FANCM: variants seen among roughly 807,000 people sequenced by gnomAD.
The protein encoded by FANCM is Fanconi anemia group M protein.
FANCM carries 140 observed loss-of-function variants against 199.5 expected under a neutral mutation model. That is an observed-to-expected ratio of 0.70 (90% CI 0.61 to 0.81). The LOEUF is 0.81. Among genes scored for constraint, FANCM ranks in the 30% least tolerant of loss-of-function variants. The pLI, the probability that FANCM is intolerant of heterozygous loss-of-function variation, is 0.00. For synonymous variants in FANCM, 840 were observed against 836.8 expected, an observed-to-expected ratio of 1.00 and a Z score of -0.07; for missense variants, 2,410 against 2,421.4, an observed-to-expected ratio of 1.00 and a Z score of 0.10.
intron 2 of FANCM, among the ~76,000 whole-genome samples, chr14:45,140,315 G>A (rs144525598): frequency 3.3e-5 from 5 of 152,026 alleles, no homozygotes; most frequent in African/African-American, 1.2e-4. Context: ...CACCCACCTT[G>A]GCCTCCCAAA....
chr14:45,156,056 T>TA (rs1887165296), intron 8 of FANCM, among the ~76,000 whole-genome samples: 1 of 151,972 alleles, frequency 6.6e-6, no homozygotes, highest in Non-Finnish European at 1.5e-5. Context: ...TAAAGTAGAT[T>TA]AGGAGAGAGA....
chr14:45,164,379 C>G lies in FANCM; in HGVS notation c.1602C>G (p.Asp534Glu). ...TTTAGGTAGTGAAACAGTTTCGTGA[C>G]GGTGGTTACAACACGCTGGTTTCTA... Reference protein sequence around the residue: ...EQLEVVKQFRDGGYNTLVSTC... With the variant: ...EQLEVVKQFREGGYNTLVSTC... The change falls in exon 10 of 23, where the codon GAC becomes GAG. Residue 534 changes from aspartate (D) to glutamate (E), a missense_variant. Transcript: ENST00000267430. 6.2e-7 allele frequency: 1 copy of G among 1,612,544 alleles called. No individual in the cohort carries two copies. The highest frequency in any genetic ancestry group is 1.7e-5 in the Admixed American group (1 of 60,012).
chr14:45,149,245 T>C (rs1309905932), intron 4 of FANCM, among the ~76,000 whole-genome samples: 1 of 152,088 alleles, frequency 6.6e-6, no homozygotes, highest in Non-Finnish European at 1.5e-5. Flanking sequence ...CATGGTTTTG[T>C]ATTTTTTTAA....
intron 20 of FANCM, among the ~76,000 whole-genome samples, chr14:45,193,352 A>G (rs551339917): frequency 6.6e-6 from 1 of 152,302 alleles, no homozygotes; most frequent in Non-Finnish European, 1.5e-5. Flanking sequence ...CTGAACCAGG[A>G]CAACAGAAAA....
At chr14:45,150,494 CACTT>C (rs1396737224) in intron 4 of FANCM, among the ~76,000 whole-genome samples, 2 of 152,088 alleles carry the variant, frequency 1.3e-5, no homozygotes, top group East Asian at 3.9e-4. Flanking sequence ...AAAATTTAAA[CACTT>C]ACATACTGCG....
intron 3 of FANCM, among the ~76,000 whole-genome samples, chr14:45,143,104 T>A (rs1216349043): frequency 2.6e-5 from 4 of 152,016 alleles, no homozygotes; most frequent in Non-Finnish European, 4.4e-5. Context: ...TTTATCAATT[T>A]TATTAAGATT....
At chr14:45,174,115 C>T (rs370529892) in intron 13 of FANCM, among the ~76,000 whole-genome samples, 3 of 152,074 alleles carry the variant, frequency 2.0e-5, no homozygotes, top group Non-Finnish European at 2.9e-5. Context: ...GGGCCAGGTG[C>T]GGTGGCTCAT....
At chr14:45,145,877 G>T (rs1214590744) in intron 3 of FANCM, among the ~76,000 whole-genome samples, 1 of 151,702 alleles carries the variant, frequency 6.6e-6, no homozygotes, top group Non-Finnish European at 1.5e-5. Context: ...GGCTAAAACG[G>T]TGAAACCCCG....
intron 5 of FANCM, among the ~76,000 whole-genome samples, chr14:45,152,612 A>T (rs1391176027): frequency 6.6e-6 from 1 of 152,232 alleles, no homozygotes; most frequent in Non-Finnish European, 1.5e-5. Context: ...CTTTGAACTG[A>T]TAGGGAATGC....
intron 9 of FANCM, among the ~76,000 whole-genome samples, chr14:45,162,634 A>T (rs1032652882): frequency 1.3e-5 from 2 of 152,186 alleles, no homozygotes; most frequent in African/African-American, 2.4e-5. Flanking sequence ...CATGGAGCAC[A>T]CTTTCAGTAG....
Position 45,196,449 on chromosome 14 carries a change from A to G in FANCM, c.5618A>G (p.Asn1873Ser), listed in dbSNP as rs1890063869. The G allele has an allele frequency of 5.0e-6, 8 of 1,614,064 alleles. No individual in the cohort carries two copies. The African/African-American group carries it at 5.3e-5, about 11-fold the overall frequency. Residue 1873 changes from asparagine to serine, a missense_variant, in exon 21 of 23, where the codon AAT (asparagine) becomes AGT (serine). Coordinates refer to ENST00000267430, the MANE Select transcript of FANCM (RefSeq NM_020937.4). ...VERRSQSEML[N>S]SVNKNKFIEQ... The stretch of plus-strand genomic sequence containing the variant: ...AGGAGGTCTCAATCTGAGATGTTAA[A>G]TAGTGTCAATAAGAACAAGTTCATT...
chr14:45,176,364 C>T lies in FANCM; in HGVS notation c.3610C>T (p.Arg1204Cys), dbSNP rs763796272. The change falls in exon 14 of 23, where the codon CGT becomes TGT. Residue 1204 changes from arginine (R) to cysteine (C), a missense_variant. By Grantham distance (180) the Arg-to-Cys change is radical. Coordinates refer to ENST00000267430, the MANE Select transcript of FANCM (RefSeq NM_020937.4). The stretch of plus-strand genomic sequence containing the variant: ...CCGTGATGCTAATAGTTTTAAATCT[C>T]GTGATCAGAGAGGTGTACAGGAAGA... ...ITRDANSFKS[R>C]DQRGVQEEKV... 2.4e-5 allele frequency: 39 copies of T among 1,613,090 alleles called. No individual in the cohort carries two copies. Among genetic ancestry groups the T allele is most frequent in the African/African-American group, 4.0e-5 (3 of 74,922 alleles).
intron 14 of FANCM, among the ~76,000 whole-genome samples, chr14:45,179,803 G>A (rs938623572): frequency 3.3e-5 from 5 of 151,996 alleles, no homozygotes; most frequent in South Asian, 2.1e-4. Context: ...CATGTGATCC[G>A]CCTGCCTCTG....
rs1351973295 is a variant in FANCM at position 45,183,550 on chromosome 14, C to T, written c.4387-224C>T. ...AAAGTATGTTTTCATCAAACATATTCGATGTAATACTATATTGGATGAATA... is the reference window on the plus strand; with the variant it reads ...AAAGTATGTTTTCATCAAACATATTTGATGTAATACTATATTGGATGAATA... On this transcript the variant is annotated intron_variant, in intron 16 of 22. Transcript: ENST00000267430. Among the ~76,000 whole-genome samples, 4 of 152,096 alleles carry T rather than the reference C, an allele frequency of 2.6e-5. No individual in the cohort carries two copies. The South Asian group carries it at 6.2e-4, about 24-fold the overall frequency.
chr14:45,186,627 A>G (rs902902170), intron 18 of FANCM, among the ~76,000 whole-genome samples: 1 of 152,218 alleles, frequency 6.6e-6, no homozygotes, highest in Non-Finnish European at 1.5e-5. Flanking sequence ...AATTTGTATA[A>G]TTTGCAGGAT....
Position 45,196,490 on chromosome 14 carries a change from C to T in FANCM, c.5659C>T (p.Leu1887=), listed in dbSNP as rs1890066738. 6.2e-7 allele frequency: 1 copy of T among 1,614,024 alleles called. No individual in the cohort carries two copies. Among genetic ancestry groups the T allele is most frequent in the Non-Finnish European group, 8.5e-7 (1 of 1,179,974 alleles). ...CAAGTTCATTGAGCAGATCCAGCACCTGCAGAGTATGTTTGAAAGAATATG... is the reference window on the plus strand; with the variant it reads ...CAAGTTCATTGAGCAGATCCAGCACTTGCAGAGTATGTTTGAAAGAATATG... ...KNKFIEQIQH[L]QSMFERICVI... The change falls in exon 21 of 23, where the codon CTG becomes TTG. Residue 1887 remains leucine, a synonymous_variant. Transcript: ENST00000267430.
Position 45,199,996 on chromosome 14 carries a change from A to G in FANCM, c.6135A>G (p.Lys2045=), listed in dbSNP as rs1228739743. The change falls in exon 23 of 23, where the codon AAA becomes AAG. Residue 2045 remains lysine (K), a synonymous_variant. Transcript: ENST00000267430. ...ATGATCTTAACCAAGATAGACTGAAATCTGATATATAATCAAGCTGCTCAA... is the reference window on the plus strand; with the variant it reads ...ATGATCTTAACCAAGATAGACTGAAGTCTGATATATAATCAAGCTGCTCAA... ...LPNDLNQDRL[K]SDI is the part of the protein sequence containing the mutation. 6.2e-7 allele frequency: 1 copy of G among 1,607,958 alleles called. No homozygotes were observed. The highest frequency in any genetic ancestry group is 8.5e-7 in the Non-Finnish European group (1 of 1,175,584).
intron 4 of FANCM, among the ~76,000 whole-genome samples, chr14:45,150,901 C>T (rs1424215050): frequency 6.6e-6 from 1 of 152,070 alleles, no homozygotes; most frequent in African/African-American, 2.4e-5. Context: ...GTGCCTGTTA[C>T]ATAGTAGATG....
rs1162552981 is a variant in FANCM at position 45,189,378 on chromosome 14, A to C, written c.5340+16A>C. 6.4e-7 allele frequency: 1 copy of C among 1,564,250 alleles called. No homozygotes were observed. The highest frequency in any genetic ancestry group is 8.8e-7 in the Non-Finnish European group (1 of 1,134,936). ...TCCACAGAAGGTATGGATCAAAGAA[A>C]GGAAAAATATCTTTAGATGGTTACC... On this transcript the variant is annotated intron_variant, in intron 20 of 22. Coordinates refer to ENST00000267430, the MANE Select transcript of FANCM (RefSeq NM_020937.4).
Sources: allele counts gnomAD v4.1 joint callset (sites outside exome capture counted in the v4.1 genomes callset), GRCh38; gene constraint gnomAD v4.1.1; transcripts MANE v1.5; gene names NCBI Gene and HGNC (gene_info 2026-07-23, HGNC 2026-07-21).